CNGB3: variants seen among roughly 807,000 people sequenced by gnomAD.
CNGB3 encodes the protein cyclic nucleotide-gated channel beta-3.
CNGB3 carries 86 observed loss-of-function variants against 92.8 expected under a neutral mutation model. That is an observed-to-expected ratio of 0.93 (90% CI 0.78 to 1.11). The LOEUF (loss-of-function observed/expected upper bound fraction) is 1.11. Ranked by LOEUF, CNGB3 falls within the 50% of genes least tolerant of loss-of-function variation. CNGB3 has a pLI of 0.00. For synonymous variants in CNGB3, 333 were observed against 332.7 expected (o/e 1.00, Z -0.01); for missense variants, 1,026 against 956.8 (o/e 1.07, Z -0.95).
At chr8:86,650,838 T>G (rs371593817) in intron 7 of CNGB3, among the ~76,000 whole-genome samples, 8 of 151,714 alleles carry the variant, frequency 5.3e-5, no homozygotes, top group South Asian at 4.2e-4. Flanking sequence ...AAAGAAGTCA[T>G]TATATGAAAA....
At chr8:86,608,224 A>G (rs1822449013) in intron 14 of CNGB3, among the ~76,000 whole-genome samples, 1 of 152,250 alleles carries the variant, frequency 6.6e-6, no homozygotes, top group Non-Finnish European at 1.5e-5. Context: ...CTCTATAATC[A>G]TAACCTAGGG....
chr8:86,727,979 T>C (rs1001456810), intron 2 of CNGB3, among the ~76,000 whole-genome samples: 3 of 152,080 alleles, frequency 2.0e-5, no homozygotes, highest in African/African-American at 7.2e-5. Flanking sequence ...GTTTCAGGAA[T>C]AAAGGAAATC....
chr8:86,741,233 C>T (rs1255415612), intron 1 of CNGB3, among the ~76,000 whole-genome samples: 7 of 152,080 alleles, frequency 4.6e-5, no homozygotes, highest in South Asian at 2.1e-4. Flanking sequence ...GGTCGAATTC[C>T]GTGAAAGAAA....
intron 3 of CNGB3, among the ~76,000 whole-genome samples, chr8:86,689,275 T>C (rs1410360637): frequency 1.3e-5 from 2 of 151,920 alleles, no homozygotes; most frequent in East Asian, 1.9e-4. Context: ...AACTGTTCCA[T>C]AAAATTTCAT....
chr8:86,635,298 T>C (rs1269850357), intron 10 of CNGB3, among the ~76,000 whole-genome samples: 1 of 152,088 alleles, frequency 6.6e-6, no homozygotes, highest in Non-Finnish European at 1.5e-5. Flanking sequence ...TACCCAAGAG[T>C]GAAGAGAAAC....
intron 2 of CNGB3, among the ~76,000 whole-genome samples, chr8:86,732,745 T>C (rs763020328): frequency 1.3e-5 from 2 of 152,214 alleles, no homozygotes; most frequent in South Asian, 4.1e-4. Context: ...TTTTCAGAAA[T>C]GTCATACCAA....
At chr8:86,609,262 A>G (rs1018951095) in intron 14 of CNGB3, among the ~76,000 whole-genome samples, 1 of 152,204 alleles carries the variant, frequency 6.6e-6, no homozygotes, top group East Asian at 1.9e-4. Flanking sequence ...GCCCCAAATG[A>G]AAGGACATGT....
At position 86,574,524 on chromosome 8, in the gene CNGB3, TA is replaced by T. The variant is rs1385390274; in HGVS notation, c.*1279del. On this transcript the variant is annotated 3_prime_UTR_variant, in exon 18 of 18. Coordinates refer to ENST00000320005, the MANE Select transcript of CNGB3 (RefSeq NM_019098.5). The stretch of plus-strand genomic sequence containing the variant: ...CTCTATCAAATGATGCAGTTTATTA[TA>T]GTGATTGATTTGTACATGGTTTGCT... 1 of 152,244 alleles carries T rather than the reference TA, an allele frequency of 6.6e-6. No individual in the cohort carries two copies. Among genetic ancestry groups the T allele is most frequent in the Non-Finnish European group, 1.5e-5 (1 of 68,042 alleles). 9.4% of individuals were successfully genotyped at this position (152,244 alleles called of 1,614,324 possible). A position where few individuals can be genotyped will look rare whatever the true frequency, so the allele number is the denominator to read the frequency against.
intron 3 of CNGB3, among the ~76,000 whole-genome samples, chr8:86,716,647 G>A (rs932297595): frequency 1.3e-5 from 2 of 152,054 alleles, no homozygotes; most frequent in African/African-American, 4.8e-5. Flanking sequence ...GAAAGAGACA[G>A]TCTTTTCCAG....
chr8:86,709,149 T>A (rs114648859), intron 3 of CNGB3, among the ~76,000 whole-genome samples: 244 of 152,308 alleles, frequency 1.6e-3, no homozygotes, highest in African/African-American at 5.0e-3. Flanking sequence ...TGTCTATGAC[T>A]AGGCTAGAGG....
chr8:86,615,322 C>A (rs1046215607), intron 13 of CNGB3, among the ~76,000 whole-genome samples: 1 of 151,978 alleles, frequency 6.6e-6, no homozygotes, highest in East Asian at 1.9e-4. Flanking sequence ...AACTACAGAT[C>A]GGCCGGGTGT....
At chr8:86,724,994 G>A (rs1337072270) in intron 3 of CNGB3, among the ~76,000 whole-genome samples, 1 of 152,092 alleles carries the variant, frequency 6.6e-6, no homozygotes, top group African/African-American at 2.4e-5. Context: ...TTTGAGCTAT[G>A]CTGATTGACC....
chr8:86,715,640 A>G (rs1211144490), intron 3 of CNGB3, among the ~76,000 whole-genome samples: 1 of 152,132 alleles, frequency 6.6e-6, no homozygotes, highest in Non-Finnish European at 1.5e-5. Context: ...ATGGATCTAA[A>G]CCAAGATGAA....
At chr8:86,743,123 C>G (rs1292757089) in intron 1 of CNGB3, among the ~76,000 whole-genome samples, 1 of 151,782 alleles carries the variant, frequency 6.6e-6, no homozygotes, top group Non-Finnish European at 1.5e-5. Context: ...TCCTATTGCT[C>G]TAGAGATTTA....
chr8:86,701,627 T>C (rs1824558432), intron 3 of CNGB3, among the ~76,000 whole-genome samples: 2 of 152,208 alleles, frequency 1.3e-5, no homozygotes, highest in Non-Finnish European at 2.9e-5. Context: ...GTTTATTATT[T>C]TTAAAATTCT....
intron 13 of CNGB3, among the ~76,000 whole-genome samples, chr8:86,614,092 A>G (rs1037350851): frequency 1.3e-5 from 2 of 151,892 alleles, no homozygotes; most frequent in Non-Finnish European, 2.9e-5. Flanking sequence ...CTTGGCACCA[A>G]TTTTGAATAT....
At chr8:86,598,694 T>G (rs1195828533) in intron 15 of CNGB3, among the ~76,000 whole-genome samples, 1 of 152,162 alleles carries the variant, frequency 6.6e-6, no homozygotes, top group Non-Finnish European at 1.5e-5. Flanking sequence ...CTGCAATACT[T>G]CAGTTTCTAC....
At position 86,725,027 on chromosome 8, in the gene CNGB3, A is replaced by G. The variant is rs529798354; in HGVS notation, c.338+1504T>C. On this transcript the variant is annotated intron_variant, in intron 3 of 17. Transcript: ENST00000320005. The stretch of plus-strand genomic sequence containing the variant: ...ACCCCTGGGTAATTGAAAGGTTTCC[A>G]CTTCCACATTTCAGAAGAGTGTAAG... Among the ~76,000 whole-genome samples the G allele has an allele frequency of 4.6e-5, 7 of 152,266 alleles. No individual in the cohort carries two copies. The South Asian group carries it at 1.5e-3, about 32-fold the overall frequency.
intron 2 of CNGB3, among the ~76,000 whole-genome samples, chr8:86,734,519 G>A (rs536491670): frequency 6.6e-6 from 1 of 152,296 alleles, no homozygotes; most frequent in Non-Finnish European, 1.5e-5. Context: ...TACAAATGCA[G>A]ACAACATTAC....
Sources: gnomAD v4.1 joint callset for allele counts (sites outside exome capture counted in the v4.1 genomes callset) on GRCh38, gnomAD v4.1.1 for gene constraint, MANE v1.5 for transcripts, NCBI Gene and HGNC (gene_info 2026-07-23, HGNC 2026-07-21) for gene names.